The following CAPN15 variants were observed in gnomAD, a reference collection of about 807,000 sequenced individuals.
The protein encoded by CAPN15 is calpain 15.
Under a neutral mutation model 97.9 loss-of-function variants are expected in CAPN15, and 53 were observed. The observed-to-expected ratio is 0.54, with a 90% CI of 0.43 to 0.68. The LOEUF (loss-of-function observed/expected upper bound fraction) is 0.68. Ranked by LOEUF, CAPN15 falls within the 30% of genes least tolerant of loss-of-function variation. CAPN15 has a pLI of 0.00. For missense variants in CAPN15, 1,592 were observed against 1,589.8 expected (o/e 1.00, Z -0.02); for synonymous variants, 922 against 722.5 (o/e 1.28, Z -4.43).
In CAPN15 at chr16:552,875, A is replaced by G. The variant is rs2035202487; in HGVS notation, c.2917A>G (p.Met973Val). Residue 973 changes from methionine to valine, a missense_variant, in exon 13 of 14, where the codon ATG becomes GTG. By Grantham distance (21) the Met-to-Val change is conservative (BLOSUM62 1). This residue lies in a region of CAPN15 where 644 missense variants were observed against 699.6 expected (regional missense o/e 0.92). Coordinates refer to ENST00000219611, the MANE Select transcript of CAPN15 (RefSeq NM_005632.3). This position sits in a 1 kb window ranked among gnomAD's most constrained non-coding sequence, Gnocchi z 6.4. Reference sequence around the variant, plus strand: ...TTCCTGTGCCCAGGGCCGTGAGGGCATGACCTGCTACTACCTGACACACGG... The same window carrying G: ...TTCCTGTGCCCAGGGCCGTGAGGGCGTGACCTGCTACTACCTGACACACGG... ...RGERHEGREG[M>V]TCYYLTHGWA... 3.9e-6 allele frequency: 6 copies of G among 1,522,652 alleles called. No homozygotes were observed. The highest frequency in any genetic ancestry group is 5.3e-6 in the Non-Finnish European group (6 of 1,124,870). 94.3% of individuals were successfully genotyped at this position (1,522,652 alleles called of 1,614,324 possible). A position where few individuals can be genotyped will look rare whatever the true frequency, so the allele number is the denominator to read the frequency against.
Position 552,700 on chromosome 16 carries a change from G to C in CAPN15, c.2833G>C (p.Val945Leu). 1 of 1,544,368 alleles carries C rather than the reference G, an allele frequency of 6.5e-7. No homozygotes were observed. Among genetic ancestry groups the C allele is most frequent in the South Asian group, 1.2e-5 (1 of 84,004 alleles). ...CTCGAGGCTGGTCATGGTGGAGCCC[G>C]TGGAAGCCCAGCCGACCACGCTGGC... is the stretch of plus-strand genomic sequence containing the variant. Reference protein sequence around the residue: ...YSSRLVMVEPVEAQPTTLADA... With the variant: ...YSSRLVMVEPLEAQPTTLADA... The change falls in exon 12 of 14, where the codon GTG becomes CTG. Residue 945 changes from valine to leucine, a missense_variant. Val to Leu is a conservative substitution (Grantham distance 32). This residue lies in a region of CAPN15 where 644 missense variants were observed against 699.6 expected (regional missense o/e 0.92). Transcript: ENST00000219611. This position sits in a 1 kb window ranked among gnomAD's most constrained non-coding sequence, Gnocchi z 6.4.
intron 2 of CAPN15, among the ~76,000 whole-genome samples, chr16:534,482 C>G (rs1307591121): frequency 1.3e-5 from 2 of 152,192 alleles, no homozygotes; most frequent in Admixed American, 6.5e-5. Context: ...GGGCGGGGCC[C>G]TGGCCTTGTT....
intron 7 of CAPN15, among the ~76,000 whole-genome samples, chr16:550,177 C>T (rs989665143): frequency 2.6e-5 from 4 of 152,198 alleles, no homozygotes; most frequent in African/African-American, 9.7e-5. Context: ...GCGTGAGCGG[C>T]GTGTCGAGTT....
chr16:529,371 G>A (rs2033082900), intron 1 of CAPN15, among the ~76,000 whole-genome samples: 1 of 152,122 alleles, frequency 6.6e-6, no homozygotes, highest in Non-Finnish European at 1.5e-5. Flanking sequence ...CTCTCTCCGG[G>A]CACCCCTCAC....
intron 1 of CAPN15, among the ~76,000 whole-genome samples, chr16:533,513 C>T (rs1472650928): frequency 6.6e-6 from 1 of 152,212 alleles, no homozygotes; most frequent in Admixed American, 6.5e-5. Flanking sequence ...AGCTGGGCAC[C>T]TTTCCCTGGC....
At chr16:548,383 C>A in intron 4 of CAPN15, 96 bp downstream of exon 4, 1 of 1,232,412 alleles carries the variant, frequency 8.1e-7, no homozygotes, top group Non-Finnish European at 1.1e-6. Flanking sequence ...TGGGGAGGAG[C>A]CCACAAGGCC....
chr16:528,415 CCTTAGGGATGTTGTG>C (rs2033008798), intron 1 of CAPN15, among the ~76,000 whole-genome samples: 1 of 152,200 alleles, frequency 6.6e-6, no homozygotes, highest in South Asian at 2.1e-4. Flanking sequence ...GTCCTGGCCG[CCTTAGGGATGTTGTG>C]CTTGGTGCGG....
At position 554,530 on chromosome 16, in the gene CAPN15, A is replaced by G. The variant is rs1324946504; in HGVS notation, c.*1014A>G. On this transcript the variant is annotated 3_prime_UTR_variant, in exon 14 of 14. Transcript: ENST00000219611. ...TAAATACGGCCAGCTCTTGTGACACAGAGACTATTTTATCAATTGTCAGTC... is the reference window on the plus strand; with the variant it reads ...TAAATACGGCCAGCTCTTGTGACACGGAGACTATTTTATCAATTGTCAGTC... 2 of 456,082 alleles carry G rather than the reference A, an allele frequency of 4.4e-6. No homozygotes were observed. The highest frequency in any genetic ancestry group is 4.0e-5 in the African/African-American group (2 of 50,068). The allele number at this position is 456,082 out of a possible 1,614,324, so 28.3% of individuals were successfully genotyped here.
At chr16:528,320 A>G (rs1362796638) in intron 1 of CAPN15, among the ~76,000 whole-genome samples, 1 of 151,648 alleles carries the variant, frequency 6.6e-6, no homozygotes, top group East Asian at 2.0e-4. Context: ...GGGTCACTTG[A>G]GGCCAGCCCC....
Position 551,529 on chromosome 16 carries a change from AC to A in CAPN15, c.2213del (p.Pro738ArgfsTer78). ...VQGTRLLRLR[N>X]PWGRFSWNGS... ...GTCTGCAGGCTTCTGCGGCTCCGAAACCCGTGGGGCCGTTTCTCCTGGAACG... is the reference window on the plus strand; with the variant it reads ...GTCTGCAGGCTTCTGCGGCTCCGAAACCGTGGGGCCGTTTCTCCTGGAACG... On this transcript the variant is annotated frameshift_variant, in exon 9 of 14. Transcript: ENST00000219611. LOFTEE classifies it high-confidence loss of function. 1 of 1,610,196 alleles carries A rather than the reference AC, an allele frequency of 6.2e-7. No individual in the cohort carries two copies. The highest frequency in any genetic ancestry group is 8.5e-7 in the Non-Finnish European group (1 of 1,178,060).
chr16:549,231 C>CGGGGGGGGGG, intron 5 of CAPN15, 30 bp downstream of exon 5: 2 of 62,828 alleles, frequency 3.2e-5, no homozygotes, highest in South Asian at 1.9e-4. Flanking sequence ...CGGGGTGGGG[C>CGGGGGGGGGG]GGGTGGGCGG....
At chr16:538,564 T>C (rs1295535963) in intron 3 of CAPN15, 1 of 152,200 alleles carries the variant, frequency 6.6e-6, no homozygotes, top group African/African-American at 2.4e-5. Flanking sequence ...CAGGCGAACG[T>C]TATCACCACA....
intron 3 of CAPN15, chr16:543,287 A>G (rs1596337626): frequency 6.5e-6 from 1 of 154,784 alleles, no homozygotes; most frequent in Middle Eastern, 5.3e-4. Context: ...TGGCCTCTCC[A>G]GTCTGCAGCT....
Position 533,942 on chromosome 16 carries a change from C to A in CAPN15, c.-189-4C>A. On this transcript the variant is annotated splice_polypyrimidine_tract_variant and splice_region_variant and intron_variant, in intron 1 of 13. Coordinates refer to ENST00000219611, the MANE Select transcript of CAPN15 (RefSeq NM_005632.3). ...GGTGCCTGATTAAATGCCTCCCTTTCTAGGCAGCAGCCCAGACGCGGCACA... is the reference window on the plus strand; with the variant it reads ...GGTGCCTGATTAAATGCCTCCCTTTATAGGCAGCAGCCCAGACGCGGCACA... 2 of 985,348 alleles carry A rather than the reference C, an allele frequency of 2.0e-6. No individual in the cohort carries two copies. Among genetic ancestry groups the A allele is most frequent in the Non-Finnish European group, 2.4e-6 (2 of 829,844 alleles). 61.0% of individuals were successfully genotyped at this position (985,348 alleles called of 1,614,324 possible).
intron 1 of CAPN15, among the ~76,000 whole-genome samples, chr16:529,435 G>A (rs1260802931): frequency 6.6e-6 from 1 of 152,208 alleles, no homozygotes; most frequent in Non-Finnish European, 1.5e-5. Context: ...TGCCACAGGT[G>A]AGGAACCGAA....
In CAPN15 at chr16:552,801, T is replaced by TGGGGGGGGGGGGGG; in HGVS notation, c.2904+34_2904+35insGGGGGGGGGGGGGG. The TGGGGGGGGGGGGGG allele has an allele frequency of 6.6e-7, 1 of 1,504,538 alleles. No homozygotes were observed. Among genetic ancestry groups the TGGGGGGGGGGGGGG allele is most frequent in the Middle Eastern group, 2.2e-4 (1 of 4,504 alleles). 93.2% of individuals were successfully genotyped at this position (1,504,538 alleles called of 1,614,324 possible). A position where few individuals can be genotyped will look rare whatever the true frequency, so the allele number is the denominator to read the frequency against. On this transcript the variant is annotated intron_variant, in intron 12 of 13. Coordinates refer to ENST00000219611, the MANE Select transcript of CAPN15 (RefSeq NM_005632.3). This position sits in a 1 kb window ranked among gnomAD's most constrained non-coding sequence, Gnocchi z 6.4. Reference sequence around the variant, plus strand: ...GTGGGGGTCCCGGGGGAGGGTGGCGTGGGGCAGGGGGAGTATGCCCCAGCA... The same window carrying TGGGGGGGGGGGGGG: ...GTGGGGGTCCCGGGGGAGGGTGGCGTGGGGGGGGGGGGGGGGGGCAGGGGGAGTATGCCCCAGCA...
rs564982400 is a variant in CAPN15, at chr16:537,219, G to A, written c.-23+1077G>A. 3.2e-5 allele frequency: 32 copies of A among 985,510 alleles called. No individual in the cohort carries two copies. In the African/African-American group the frequency reaches 5.6e-4, roughly 17 times the overall value. 61.0% of individuals were successfully genotyped at this position (985,510 alleles called of 1,614,324 possible). On this transcript the variant is annotated intron_variant, in intron 3 of 13. Coordinates refer to ENST00000219611, the MANE Select transcript of CAPN15 (RefSeq NM_005632.3). ...GACAGGCCTCCCTCCTGTCCAGATG[G>A]GGCCCACAGGGTCAGTTGCCTGAGA... is the stretch of plus-strand genomic sequence containing the variant.
chr16:551,186 GCCCCGGTCGGTGAGGGT>G (rs1567157975), intron 7 of CAPN15, 99 bp from the exon 8 acceptor site: 27 of 1,454,608 alleles, frequency 1.9e-5, no homozygotes, highest in Admixed American at 2.3e-5. Context: ...GTCGGTGAGG[GCCCCGGTCGGTGAGGGT>G]CCCCAGTCGG....
At chr16:542,880 C>A (rs1325757873) in intron 3 of CAPN15, among the ~76,000 whole-genome samples, 4 of 152,180 alleles carry the variant, frequency 2.6e-5, no homozygotes, top group African/African-American at 7.2e-5. Context: ...ATGGTGAAAC[C>A]CCATCTCTAC....
Sources: allele counts gnomAD v4.1 joint callset (sites outside exome capture counted in the v4.1 genomes callset), GRCh38; gene constraint gnomAD v4.1.1; regional missense constraint gnomAD v4.1.1; non-coding constraint Gnocchi (gnomAD v3.1); transcripts MANE v1.5; gene names NCBI Gene and HGNC (gene_info 2026-07-23, HGNC 2026-07-21).